The following CUBN variants were observed in gnomAD, a reference collection of about 807,000 sequenced individuals.
CUBN encodes 460 kDa receptor.
CUBN carries 282 observed loss-of-function variants against 405.3 expected under a neutral mutation model. The ratio of observed to expected loss-of-function variants is 0.70; its 90% confidence interval spans 0.63 to 0.77. The LOEUF (loss-of-function observed/expected upper bound fraction) is 0.77. Ranked by LOEUF, CUBN falls within the 30% of genes least tolerant of loss-of-function variation. The probability of loss-of-function intolerance (pLI) is 0.00; values close to 1 mark genes in which losing one functional copy is unlikely to be tolerated. For synonymous variants in CUBN, 1,684 were observed against 1,617.0 expected (o/e 1.04, Z -0.99); for missense variants, 4,514 against 4,475.2 (o/e 1.01, Z -0.25).
intron 23 of CUBN, among the ~76,000 whole-genome samples, chr10:17,046,448 T>G (rs1835134458): frequency 6.6e-6 from 1 of 152,164 alleles, no homozygotes; most frequent in Non-Finnish European, 1.5e-5. Flanking sequence ...ATAAACATAC[T>G]GCTGTATTTT....
chr10:16,862,865 T>C (rs988170219), intron 59 of CUBN, among the ~76,000 whole-genome samples: 9 of 152,210 alleles, frequency 5.9e-5, no homozygotes, highest in African/African-American at 2.2e-4. Flanking sequence ...TTCCCTTCAG[T>C]GTTTTTCAAA....
intron 53 of CUBN, among the ~76,000 whole-genome samples, chr10:16,899,500 T>C (rs1841294400): frequency 6.6e-6 from 1 of 152,224 alleles, no homozygotes; most frequent in South Asian, 2.1e-4. Context: ...TTTGAGCCTA[T>C]GTAGTATATG....
At chr10:16,852,344 CCTCT>C (rs72004971) in intron 59 of CUBN, among the ~76,000 whole-genome samples, 1,740 of 132,126 alleles carry the variant, frequency 0.013, 150 homozygotes, top group African/African-American at 0.056. Context: ...TCCCTCCCTC[CCTCT>C]ATCTTTCCCT....
rs145561442 is a variant in CUBN, at chr10:16,869,412, G to A, written c.9454+224C>T. ...ACTCCTGACCTCAGGTGATCCACCC[G>A]CCTCAACCTCCCAAAGTGCTGGGTA... On this transcript the variant is annotated intron_variant, in intron 59 of 66. Coordinates refer to ENST00000377833, the MANE Select transcript of CUBN (RefSeq NM_001081.4). 6.9e-3 allele frequency among the ~76,000 whole-genome samples: 1,052 copies of A among 151,894 alleles called. 14 individuals are homozygous for A. Among genetic ancestry groups the A allele is most frequent in the African/African-American group, 0.024 (1,003 of 41,418 alleles).
intron 28 of CUBN, among the ~76,000 whole-genome samples, chr10:17,004,054 G>A (rs529071104): frequency 4.4e-4 from 67 of 152,256 alleles, no homozygotes; most frequent in Non-Finnish European, 6.9e-4. Context: ...CATCAGGCTT[G>A]TTTCTCTCTC....
chr10:16,828,361 G>C lies in CUBN; in HGVS notation c.10764+444C>G, dbSNP rs552137119. ...TCATGCTCCCATAATAGAAAGGCAA[G>C]TTGGAAAACTGCTCAATTTGTTAAA... On this transcript the variant is annotated intron_variant, in intron 66 of 66. Coordinates refer to ENST00000377833, the MANE Select transcript of CUBN (RefSeq NM_001081.4). Among the ~76,000 whole-genome samples the C allele has an allele frequency of 8.3e-4, 127 of 152,292 alleles. 1 individual carries two copies. The highest frequency in any genetic ancestry group is 1.6e-3 in the Non-Finnish European group (111 of 68,028).
intron 36 of CUBN, among the ~76,000 whole-genome samples, chr10:16,941,793 GATCGTGCCACTCACTCCAGCCT>G (rs1354861890): frequency 6.6e-6 from 1 of 152,104 alleles, no homozygotes; most frequent in Non-Finnish European, 1.5e-5. Flanking sequence ...AGTGAGGGGT[GATCGTGCCACTCACTCCAGCCT>G]ATGCAACAGA....
At chr10:16,862,248 A>G (rs1240601304) in intron 59 of CUBN, among the ~76,000 whole-genome samples, 1 of 152,014 alleles carries the variant, frequency 6.6e-6, no homozygotes, top group Non-Finnish European at 1.5e-5. Context: ...AGGCTTACTA[A>G]GAAAATCAGG....
In CUBN at chr10:16,913,954, T is replaced by G. The variant is rs769747844; in HGVS notation, c.7390A>C (p.Thr2464Pro). 31 of 1,613,942 alleles carry G rather than the reference T, an allele frequency of 1.9e-5. No homozygotes were observed. In the Admixed American group the frequency reaches 5.0e-4, roughly 26 times the overall value. ...TTTGGGTTCGGGTAGTTGGGAGAAG[T>G]AAATGTTCCAATAGAGCCCTGAAGA... ...GDLQGSIGTFTSPNYPNPNPH... is the reference protein window; with the variant it reads ...GDLQGSIGTFPSPNYPNPNPH... Residue 2464 changes from threonine to proline, a missense_variant, in exon 48 of 67, where the codon ACT (threonine) becomes CCT (proline). By Grantham distance (38) the Thr-to-Pro change is conservative. Transcript: ENST00000377833.
chr10:17,080,180 C>A (rs1835936989), intron 17 of CUBN, among the ~76,000 whole-genome samples: 1 of 152,016 alleles, frequency 6.6e-6, no homozygotes, highest in South Asian at 2.1e-4. Context: ...TTTTTTATTT[C>A]TTTCTCAAGC....
At chr10:16,848,229 T>C (rs1839577736) in intron 60 of CUBN, among the ~76,000 whole-genome samples, 1 of 152,198 alleles carries the variant, frequency 6.6e-6, no homozygotes, top group Non-Finnish European at 1.5e-5. Flanking sequence ...TAAAAATGGA[T>C]CTTGAGAGTA....
At chr10:17,069,609 T>A (rs1437321636) in intron 19 of CUBN, among the ~76,000 whole-genome samples, 1 of 152,214 alleles carries the variant, frequency 6.6e-6, no homozygotes, top group Non-Finnish European at 1.5e-5. Context: ...AATGGCACAA[T>A]CATAGCTCAC....
chr10:17,054,900 C>A (rs1209088928), intron 22 of CUBN, among the ~76,000 whole-genome samples: 3 of 151,978 alleles, frequency 2.0e-5, no homozygotes, highest in Admixed American at 6.6e-5. Flanking sequence ...TGTTTATATT[C>A]CACAAACTCA....
At chr10:17,016,110 G>A (rs1231083535) in intron 28 of CUBN, among the ~76,000 whole-genome samples, 1 of 152,044 alleles carries the variant, frequency 6.6e-6, no homozygotes, top group East Asian at 1.9e-4. Context: ...AGGATCAATT[G>A]ACCCTCGAGT....
intron 10 of CUBN, among the ~76,000 whole-genome samples, chr10:17,108,840 T>G (rs186269042): frequency 1.3e-5 from 2 of 151,966 alleles, no homozygotes; most frequent in Admixed American, 6.6e-5. Flanking sequence ...AGACAGATAA[T>G]GAGATAATGT....
intron 27 of CUBN, among the ~76,000 whole-genome samples, chr10:17,020,909 C>A (rs1834480996): frequency 6.6e-6 from 1 of 152,138 alleles, no homozygotes; most frequent in Non-Finnish European, 1.5e-5. Flanking sequence ...ACAGTATAAT[C>A]ATATGGCTCT....
intron 41 of CUBN, 71 bp downstream of exon 41, chr10:16,928,086 G>A (rs1366644688): frequency 6.5e-7 from 1 of 1,538,776 alleles, no homozygotes; most frequent in Non-Finnish European, 9.0e-7. Context: ...ATTATATTAG[G>A]AAGAGAGAAA....
chr10:16,926,801 ATTT>A (rs933590132), intron 41 of CUBN, among the ~76,000 whole-genome samples: 1 of 120,762 alleles, frequency 8.3e-6, no homozygotes, highest in Non-Finnish European at 1.7e-5. Flanking sequence ...CAAAGGTGAA[ATTT>A]TTTTTTCTAT....
chr10:17,100,841 C>T (rs1836478617), intron 13 of CUBN, among the ~76,000 whole-genome samples: 1 of 151,932 alleles, frequency 6.6e-6, no homozygotes, highest in Admixed American at 6.6e-5. Context: ...TGAGTAATAC[C>T]AAGAGTAGAG....
Sources: gnomAD v4.1 joint callset for allele counts (sites outside exome capture counted in the v4.1 genomes callset) on GRCh38, gnomAD v4.1.1 for gene constraint, MANE v1.5 for transcripts, NCBI Gene and HGNC (gene_info 2026-07-23, HGNC 2026-07-21) for gene names.